Variants in KLKB1 observed in about 807,000 individuals in gnomAD.
KLKB1 encodes the protein kallikrein B1.
KLKB1 carries 58 observed loss-of-function variants against 73.6 expected under a neutral mutation model. The observed-to-expected ratio is 0.79, with a 90% confidence interval of 0.64 to 0.98. KLKB1 has a LOEUF of 0.98. Among genes scored for constraint, KLKB1 ranks in the 50% least tolerant of loss-of-function variants. The pLI is 0.00. For missense variants in KLKB1, 737 were observed against 763.8 expected, an observed-to-expected ratio of 0.96 and a Z score of 0.41; for synonymous variants, 280 against 258.1, an observed-to-expected ratio of 1.08 and a Z score of -0.81.
intron 1 of KLKB1, 89 bp downstream of exon 1, chr4:186,227,676 T>G (rs1737212311): frequency 6.6e-6 from 1 of 152,252 alleles, no homozygotes. Flanking sequence ...TAATCATTTA[T>G]ATTCTAATTT....
Position 186,251,629 on chromosome 4 carries a change from A to G in KLKB1, c.1011A>G (p.Pro337=), listed in dbSNP as rs1349088754. The G allele has an allele frequency of 1.9e-6, 3 of 1,614,034 alleles. No homozygotes were observed. The African/African-American group carries it at 4.0e-5, about 22-fold the overall frequency. The part of the protein sequence containing the change: ...RCQFFTYSLL[P]EDCKEEKCKC... ...AGTTTTTCACTTATTCTTTACTCCC[A>G]GAAGACTGTAAGGAAGAGAAGTAAA... Residue 337 remains proline, a synonymous_variant, in exon 9 of 15, where the codon CCA becomes CCG. Transcript: ENST00000264690.
chr4:186,237,308 A>G (rs1407849637), intron 5 of KLKB1, among the ~76,000 whole-genome samples: 1 of 152,116 alleles, frequency 6.6e-6, no homozygotes, highest in Non-Finnish European at 1.5e-5. Flanking sequence ...TATGTTGGTC[A>G]GGCTGGTCTC....
intron 6 of KLKB1, among the ~76,000 whole-genome samples, chr4:186,247,551 G>A (rs1366556849): frequency 6.6e-6 from 1 of 152,170 alleles, no homozygotes; most frequent in Admixed American, 6.5e-5. Flanking sequence ...CCATCTGGAT[G>A]TATGCATGTA....
intron 11 of KLKB1, among the ~76,000 whole-genome samples, chr4:186,253,874 T>C (rs930849235): frequency 6.6e-6 from 1 of 152,192 alleles, no homozygotes; most frequent in African/African-American, 2.4e-5. Flanking sequence ...CTCTCTCTGT[T>C]GCCCAGAGTA....
chr4:186,231,368 C>T (rs1041071433), intron 2 of KLKB1, among the ~76,000 whole-genome samples: 1 of 152,050 alleles, frequency 6.6e-6, no homozygotes, highest in South Asian at 2.1e-4. Flanking sequence ...GTAAAGACAC[C>T]GAATTCTCTA....
intron 4 of KLKB1, among the ~76,000 whole-genome samples, chr4:186,234,469 A>T (rs1236802083): frequency 6.6e-6 from 1 of 152,174 alleles, no homozygotes; most frequent in Admixed American, 6.5e-5. Context: ...CAATGTCTGG[A>T]GACATTTTTG....
intron 2 of KLKB1, among the ~76,000 whole-genome samples, chr4:186,229,142 A>G (rs1273124304): frequency 1.3e-5 from 2 of 152,206 alleles, no homozygotes; most frequent in Non-Finnish European, 2.9e-5. Context: ...CTGAAAGGTG[A>G]GAAGGAGCAT....
At chr4:186,254,044 G>A (rs1738850893) in intron 11 of KLKB1, among the ~76,000 whole-genome samples, 1 of 152,146 alleles carries the variant, frequency 6.6e-6, no homozygotes, top group Admixed American at 6.5e-5. Flanking sequence ...TGTTGGTCAG[G>A]CTGGTCTCGA....
upstream of KLKB1, among the ~76,000 whole-genome samples, chr4:186,224,686 C>A (rs1737113403): frequency 6.6e-6 from 1 of 152,180 alleles, no homozygotes; most frequent in Non-Finnish European, 1.5e-5. Context: ...AGGGAAGGGA[C>A]TTGCCTTGTC....
At chr4:186,249,416 T>A (rs1738549838) in intron 6 of KLKB1, among the ~76,000 whole-genome samples, 1 of 152,222 alleles carries the variant, frequency 6.6e-6, no homozygotes, top group Non-Finnish European at 1.5e-5. Context: ...CAAAATCAAT[T>A]GTCTATAAAT....
chr4:186,256,083 G>T lies in KLKB1; in HGVS notation c.1581G>T (p.Glu527Asp). ...TAACCGGATGGGGCTTCTCGAAGGA[G>T]AAAGGTAAGCATGACGCTTTAAATA... is the stretch of plus-strand genomic sequence containing the variant. Reference protein sequence around the residue: ...CWVTGWGFSKEKGEIQNILQK... With the variant: ...CWVTGWGFSKDKGEIQNILQK... The change falls in exon 13 of 15, where the codon GAG becomes GAT. Residue 527 changes from glutamate (E) to aspartate (D), a missense_variant. Physicochemically the swap from Glu to Asp is conservative, Grantham distance 45. Coordinates refer to ENST00000264690, the MANE Select transcript of KLKB1 (RefSeq NM_000892.5). 6.3e-7 allele frequency: 1 copy of T among 1,595,544 alleles called. No individual in the cohort carries two copies. Among genetic ancestry groups the T allele is most frequent in the South Asian group, 1.1e-5 (1 of 90,652 alleles).
At chr4:186,253,848 T>C (rs2126675409) in intron 11 of KLKB1, among the ~76,000 whole-genome samples, 1 of 152,164 alleles carries the variant, frequency 6.6e-6, no homozygotes, top group South Asian at 2.1e-4. Context: ...ATTTAATTTA[T>C]TTTTTGAGAT....
At chr4:186,248,187 G>A (rs1180004505) in intron 6 of KLKB1, among the ~76,000 whole-genome samples, 1 of 152,026 alleles carries the variant, frequency 6.6e-6, no homozygotes, top group Non-Finnish European at 1.5e-5. Flanking sequence ...AGCGGAGCTT[G>A]CAGTGAGCCA....
rs1477547438 is a variant in KLKB1 at position 186,241,604 on chromosome 4, A to T, written c.598+3239A>T. Among the ~76,000 whole-genome samples the T allele has an allele frequency of 2.0e-5, 3 of 152,318 alleles. No homozygotes were observed. In the East Asian group the frequency reaches 5.8e-4, roughly 29 times the overall value. ...ACCATTTGCAACTCTGACATGGAAA[A>T]TTCCTACCATGTGACTTATTAATTT... is the stretch of plus-strand genomic sequence containing the variant. On this transcript the variant is annotated intron_variant, in intron 6 of 14. Transcript: ENST00000264690.
chr4:186,255,738 T>C (rs1005515003), intron 12 of KLKB1, among the ~76,000 whole-genome samples: 4 of 152,218 alleles, frequency 2.6e-5, no homozygotes, highest in Non-Finnish European at 5.9e-5. Flanking sequence ...AACTTCTAAA[T>C]GCTTTTGACC....
At position 186,232,356 on chromosome 4, in the gene KLKB1, G is replaced by A. The variant is rs1737441297; in HGVS notation, c.221+67G>A. 4.1e-6 allele frequency: 6 copies of A among 1,458,426 alleles called. No homozygotes were observed. In the Admixed American group the frequency reaches 5.0e-5, roughly 12 times the overall value. The allele number at this position is 1,458,426 out of a possible 1,614,324, so 90.3% of individuals were successfully genotyped here. A position where few individuals can be genotyped will look rare whatever the true frequency, so the allele number is the denominator to read the frequency against. ...AACTGAATCAGTTTTGTGCAGAAAGGTGTAGTATAACTGAGAGTTCTTCCT... is the reference window on the plus strand; with the variant it reads ...AACTGAATCAGTTTTGTGCAGAAAGATGTAGTATAACTGAGAGTTCTTCCT... On this transcript the variant is annotated intron_variant, in intron 3 of 14. Coordinates refer to ENST00000264690, the MANE Select transcript of KLKB1 (RefSeq NM_000892.5).
At position 186,251,198 on chromosome 4, in the gene KLKB1, GC is replaced by G; in HGVS notation, c.759-20del. On this transcript the variant is annotated intron_variant, in intron 7 of 14. Transcript: ENST00000264690. ...ATGCAAATTTCTTTCTTTCTCTCTT[GC>G]TTTTTTTTAAAAAAAATAGAAATGT... is the stretch of plus-strand genomic sequence containing the variant. 6.8e-7 allele frequency: 1 copy of G among 1,462,648 alleles called. No homozygotes were observed. The highest frequency in any genetic ancestry group is 1.1e-5 in the South Asian group (1 of 87,500). 90.6% of individuals were successfully genotyped at this position (1,462,648 alleles called of 1,614,324 possible).
intron 2 of KLKB1, 110 bp from the exon 3 acceptor site, chr4:186,232,017 A>C (rs1474490504): frequency 6.3e-5 from 49 of 780,640 alleles, no homozygotes. Context: ...GAGTTGTATT[A>C]TACAGGTCTT....
At chr4:186,235,523 C>T (rs1737620090) in intron 4 of KLKB1, among the ~76,000 whole-genome samples, 3 of 152,152 alleles carry the variant, frequency 2.0e-5, no homozygotes, top group Admixed American at 6.5e-5. Flanking sequence ...AAAGAGACTT[C>T]GTTTCCACAG....
Sources: gnomAD v4.1 joint callset for allele counts (sites outside exome capture counted in the v4.1 genomes callset) on GRCh38, gnomAD v4.1.1 for gene constraint, MANE v1.5 for transcripts, NCBI Gene and HGNC (gene_info 2026-07-23, HGNC 2026-07-21) for gene names.